TRIM15: variants seen among roughly 807,000 people sequenced by gnomAD.
The protein encoded by TRIM15 is tripartite motif containing 15, also known as E3 ubiquitin-protein ligase TRIM15.
A neutral mutation model predicts 35.8 loss-of-function variants in TRIM15; 35 were observed. The ratio of observed to expected loss-of-function variants is 0.98; its 90% CI spans 0.75 to 1.30. The LOEUF is 1.30. Among genes scored for constraint, TRIM15 ranks in the 50% most tolerant of loss-of-function variants. The pLI is 0.00. For synonymous variants in TRIM15, 252 were observed against 249.8 expected (o/e 1.01, Z -0.08); for missense variants, 590 against 593.5 (o/e 0.99, Z 0.06).
At position 30,172,004 on chromosome 6, in the gene TRIM15, G is replaced by A. The variant is rs1465283972; in HGVS notation, c.1053G>A (p.Trp351Ter). The A allele has an allele frequency of 1.3e-6, 2 of 1,578,264 alleles. No individual in the cohort carries two copies. ...FPGFSSGRHRWQVDLQLGDGG... is the reference protein window; with the variant it reads ...FPGFSSGRHR ...GCTTCTCCTCCGGGCGCCACCGCTG[G>A]CAGGTTGACCTGCAGCTGGGCGACG... Residue 351 changes from tryptophan to a stop codon, truncating the protein, a stop_gained, in exon 7 of 7, where the codon TGG becomes TGA. Transcript: ENST00000376694. LOFTEE classifies it low-confidence loss of function (END_TRUNC).
Position 30,168,455 on chromosome 6 carries a change from G to C in TRIM15, c.633G>C (p.Glu211Asp). ...ATGAATATATCACAAAGGTCTCTGA[G>C]GAAGTCACCCGGCTTGGAGCCCAGG... ...ERDEYITKVS[E>D]EVTRLGAQVK... The change falls in exon 3 of 7, where the codon GAG (glutamate) becomes GAC (aspartate). Residue 211 changes from glutamate (E) to aspartate (D), a missense_variant. By Grantham distance (45) the Glu-to-Asp change is conservative. Coordinates refer to ENST00000376694, the MANE Select transcript of TRIM15 (RefSeq NM_033229.3). 6.2e-7 allele frequency: 1 copy of C among 1,612,252 alleles called. No homozygotes were observed. The highest frequency in any genetic ancestry group is 8.5e-7 in the Non-Finnish European group (1 of 1,179,642).
Position 30,172,054 on chromosome 6 carries a change from C to T in TRIM15, c.1103C>T (p.Ala368Val). Residue 368 changes from alanine to valine, a missense_variant, in exon 7 of 7, where the codon GCC (alanine) becomes GTC (valine). By Grantham distance (64) the Ala-to-Val change is moderately conservative. Transcript: ENST00000376694. ...GGCGGCGGCTGCACGGTGGGGGTGG[C>T]CGGGGAGGGGGTGAGGAGGAAGGGA... The part of the protein sequence containing the change: ...GDGGGCTVGV[A>V]GEGVRRKGEM... 1 of 1,569,208 alleles carries T rather than the reference C, an allele frequency of 6.4e-7. No homozygotes were observed. The highest frequency in any genetic ancestry group is 8.6e-7 in the Non-Finnish European group (1 of 1,157,412).
At position 30,164,064 on chromosome 6, in the gene TRIM15, G is replaced by A. The variant is rs778296793; in HGVS notation, c.380G>A (p.Arg127Gln). The A allele has an allele frequency of 9.3e-6, 15 of 1,609,246 alleles. No individual in the cohort carries two copies. Among genetic ancestry groups the A allele is most frequent in the East Asian group, 2.2e-5 (1 of 44,876 alleles). ...GFLDEAIQPY[R>Q]DRLRSRLEAL... ...CTGGACGAGGCCATTCAGCCCTACC[G>A]GGTAAGAAGTGTAGCTTTACCTAGG... Residue 127 changes from arginine (R) to glutamine (Q), a missense_variant and splice_region_variant, in exon 1 of 7, where the codon CGG (arginine) becomes CAG (glutamine). By Grantham distance (43) the Arg-to-Gln change is conservative. Transcript: ENST00000376694.
chr6:30,164,653 A>G (rs1318915757), intron 1 of TRIM15, among the ~76,000 whole-genome samples: 2 of 152,102 alleles, frequency 1.3e-5, no homozygotes, highest in African/African-American at 4.8e-5. Context: ...CAAATCTTTA[A>G]TTCTGCCTTA....
Position 30,163,714 on chromosome 6 carries a change from C to G in TRIM15, c.30C>G (p.Val10=). Residue 10 remains valine (V), a synonymous_variant, in exon 1 of 7, where the codon GTC becomes GTG. Coordinates refer to ENST00000376694, the MANE Select transcript of TRIM15 (RefSeq NM_033229.3). MPATPSLKV[V]HELPACTLCA... ...CCGCAACCCCGTCCCTGAAGGTGGT[C>G]CATGAGCTGCCTGCCTGTACCCTCT... is the stretch of plus-strand genomic sequence containing the variant. The G allele has an allele frequency of 6.2e-7, 1 of 1,612,112 alleles. No individual in the cohort carries two copies. The highest frequency in any genetic ancestry group is 8.5e-7 in the Non-Finnish European group (1 of 1,179,562).
intron 3 of TRIM15, 38 bp from the exon 4 acceptor site, chr6:30,169,203 A>G: frequency 1.2e-6 from 2 of 1,613,076 alleles, no homozygotes; most frequent in Non-Finnish European, 1.7e-6. Flanking sequence ...GGAAGGACTT[A>G]TGGAAACTAA....
At chr6:30,168,204 C>T (rs1395724933) in intron 2 of TRIM15, 96 bp from the exon 3 acceptor site, 3 of 1,103,724 alleles carry the variant, frequency 2.7e-6, no homozygotes, top group African/African-American at 1.6e-5. Context: ...CCAGTTGCTC[C>T]CTATCCCTGT....
chr6:30,163,867 AGAG>A lies in TRIM15; in HGVS notation c.190_192del (p.Glu64del). 6.2e-7 allele frequency: 1 copy of A among 1,612,986 alleles called. No homozygotes were observed. Among genetic ancestry groups the A allele is most frequent in the Non-Finnish European group, 8.5e-7 (1 of 1,180,006 alleles). On this transcript the variant is annotated inframe_deletion, in exon 1 of 7. Transcript: ENST00000376694. ...AGATCCTGCTCTGCCCGCTCTGCCA[AGAG>A]GAGGAGCAGGCAGAGACTCCCATGG...
In TRIM15 at chr6:30,166,847, C is replaced by T. The variant is rs146169428; in HGVS notation, c.382-329C>T. On this transcript the variant is annotated intron_variant, in intron 1 of 6. Transcript: ENST00000376694. Reference sequence around the variant, plus strand: ...CTGTGGGCACTAAGTCCTTTTCTCTCCCTCTCTATTCAACTGGAAATTTAT... The same window carrying T: ...CTGTGGGCACTAAGTCCTTTTCTCTTCCTCTCTATTCAACTGGAAATTTAT... Among the ~76,000 whole-genome samples, 664 of 152,276 alleles carry T rather than the reference C, an allele frequency of 4.4e-3. 2 individuals carry two copies. The highest frequency in any genetic ancestry group is 0.011 in the African/African-American group (470 of 41,570).
At chr6:30,166,315 T>G (rs149575752) in intron 1 of TRIM15, among the ~76,000 whole-genome samples, 261 of 152,370 alleles carry the variant, frequency 1.7e-3, no homozygotes, top group African/African-American at 5.7e-3. Context: ...TTCAGTTTTC[T>G]GCATATGGCT....
chr6:30,167,151 T>A (rs1313258604), intron 1 of TRIM15, 25 bp from the exon 2 acceptor site: 2 of 1,586,016 alleles, frequency 1.3e-6, no homozygotes, highest in African/African-American at 1.3e-5. Flanking sequence ...CAGTCACCTC[T>A]ATCCACCCAT....
chr6:30,163,875 A>T lies in TRIM15; in HGVS notation c.191A>T (p.Glu64Val). The T allele has an allele frequency of 6.2e-7, 1 of 1,613,034 alleles. No individual in the cohort carries two copies. The highest frequency in any genetic ancestry group is 8.5e-7 in the Non-Finnish European group (1 of 1,180,034). ...ILLCPLCQEE[E>V]QAETPMAPVP... ...CTCTGCCCGCTCTGCCAAGAGGAGG[A>T]GCAGGCAGAGACTCCCATGGCCCCT... The change falls in exon 1 of 7, where the codon GAG becomes GTG. Residue 64 changes from glutamate (E) to valine (V), a missense_variant. Glu to Val is a moderately radical substitution (Grantham distance 121). Coordinates refer to ENST00000376694, the MANE Select transcript of TRIM15 (RefSeq NM_033229.3).
Position 30,172,260 on chromosome 6 carries a change from A to T in TRIM15, c.1309A>T (p.Ile437Phe). Residue 437 changes from isoleucine (I) to phenylalanine (F), a missense_variant, in exon 7 of 7, where the codon ATC becomes TTC. Ile to Phe is a conservative substitution (Grantham distance 21, BLOSUM62 0). Transcript: ENST00000376694. Reference protein sequence around the residue: ...TLHNAQTQEPIFTFTASFSGK... With the variant: ...TLHNAQTQEPFFTFTASFSGK... Reference sequence around the variant, plus strand: ...CCACAACGCCCAGACCCAGGAGCCCATCTTCACCTTCACTGCCTCTTTCTC... The same window carrying T: ...CCACAACGCCCAGACCCAGGAGCCCTTCTTCACCTTCACTGCCTCTTTCTC... The T allele has an allele frequency of 6.2e-7, 1 of 1,612,876 alleles. No individual in the cohort carries two copies. Among genetic ancestry groups the T allele is most frequent in the Non-Finnish European group, 8.5e-7 (1 of 1,179,914 alleles).
Position 30,167,210 on chromosome 6 carries a change from C to T in TRIM15, c.416C>T (p.Thr139Met), listed in dbSNP as rs56866777. 0.017 allele frequency: 26,973 copies of T among 1,612,930 alleles called. 421 individuals carry two copies. The highest frequency in any genetic ancestry group is 0.052 in the African/African-American group (3,906 of 74,998). The change falls in exon 2 of 7, where the codon ACG becomes ATG. Residue 139 changes from threonine (T) to methionine (M), a missense_variant. Thr to Met is a moderately conservative substitution (Grantham distance 81, BLOSUM62 -1). Transcript: ENST00000376694. ...RLRSRLEALS[T>M]ERDEIEDVKC... ...AGGAGTCGACTGGAAGCTCTGAGCACGGAGAGAGATGAGATTGAGGATGTA... is the reference window on the plus strand; with the variant it reads ...AGGAGTCGACTGGAAGCTCTGAGCATGGAGAGAGATGAGATTGAGGATGTA...
At position 30,163,837 on chromosome 6, in the gene TRIM15, G is replaced by C. The variant is rs138173429; in HGVS notation, c.153G>C (p.Ser51=). The change falls in exon 1 of 7, where the codon TCG becomes TCC. Residue 51 remains serine (S), a synonymous_variant. Transcript: ENST00000376694. ...PALSQMGAQS[S]GKILLCPLCQ... ...TCTCCCAGATGGGGGCCCAATCCTC[G>C]GGCAAGATCCTGCTCTGCCCGCTCT... 1 of 1,612,876 alleles carries C rather than the reference G, an allele frequency of 6.2e-7. No homozygotes were observed. The highest frequency in any genetic ancestry group is 8.5e-7 in the Non-Finnish European group (1 of 1,180,024).
intron 2 of TRIM15, 92 bp from the exon 3 acceptor site, chr6:30,168,208 T>A (rs1241189268): frequency 8.9e-7 from 1 of 1,123,510 alleles, no homozygotes; most frequent in East Asian, 2.5e-5. Flanking sequence ...TTGCTCCCTA[T>A]CCCTGTTAAT....
Position 30,172,583 on chromosome 6 carries a change from CA to C in TRIM15, c.*235del. ...TTCTCTGTACCTCAGAGTGCAGAAC[CA>C]CAGACGGCTTCGGCTGTGCCTAGGG... On this transcript the variant is annotated 3_prime_UTR_variant, in exon 7 of 7. Transcript: ENST00000376694. The C allele has an allele frequency of 1.4e-6, 1 of 734,772 alleles. No homozygotes were observed. Among genetic ancestry groups the C allele is most frequent in the South Asian group, 1.5e-5 (1 of 66,798 alleles). The allele number at this position is 734,772 out of a possible 1,614,324, so 45.5% of individuals were successfully genotyped here. A position where few individuals can be genotyped will look rare whatever the true frequency, so the allele number is the denominator to read the frequency against.
intron 4 of TRIM15, 86 bp downstream of exon 4, chr6:30,169,349 T>A: frequency 1.3e-6 from 2 of 1,538,058 alleles, no homozygotes; most frequent in South Asian, 2.2e-5. Flanking sequence ...GCCACCCACT[T>A]TGCCAGGAAA....
chr6:30,167,326 T>C (rs1773677281), intron 2 of TRIM15, 55 bp downstream of exon 2: 3 of 1,439,426 alleles, frequency 2.1e-6, no homozygotes, highest in Non-Finnish European at 2.9e-6. Flanking sequence ...TAAGAGACTC[T>C]GGGGAAACCC....
Sources: gnomAD v4.1 joint callset for allele counts (sites outside exome capture counted in the v4.1 genomes callset) on GRCh38, gnomAD v4.1.1 for gene constraint, MANE v1.5 for transcripts, NCBI Gene and HGNC (gene_info 2026-07-23, HGNC 2026-07-21) for gene names.